RAPH1: variants seen among roughly 807,000 people sequenced by gnomAD.
RAPH1 encodes the protein Ras association (RalGDS/AF-6) and pleckstrin homology domains 1, also known as ras-associated and pleckstrin homology domains-containing protein 1.
RAPH1 carries 18 observed loss-of-function variants against 88.1 expected under a neutral mutation model. That is an observed-to-expected ratio of 0.20 (90% CI 0.14 to 0.30). The LOEUF (loss-of-function observed/expected upper bound fraction) is 0.30. RAPH1 is among the 10% of genes least tolerant of loss of function. The pLI is 1.00. For missense variants in RAPH1, 1,448 were observed against 1,543.2 expected (o/e 0.94, Z 1.03); for synonymous variants, 587 against 559.0 (o/e 1.05, Z -0.71).
intron 13 of RAPH1, chr2:203,443,344 T>C (rs978239229): frequency 2.6e-5 from 4 of 152,330 alleles, no homozygotes; most frequent in Non-Finnish European, 4.4e-5. Flanking sequence ...TCCTCAATGA[T>C]GGAGTGACCT....
At position 203,446,808 on chromosome 2, in the gene RAPH1, A is replaced by G. The variant is rs557201821; in HGVS notation, c.1633+1151T>C. The G allele has an allele frequency of 2.0e-5, 3 of 151,672 alleles. No individual in the cohort carries two copies. The South Asian group carries it at 6.3e-4, about 32-fold the overall frequency. The allele number at this position is 151,672 out of a possible 1,614,324, so 9.4% of individuals were successfully genotyped here. On this transcript the variant is annotated intron_variant, in intron 12 of 13. Transcript: ENST00000319170. ...GCACAAGCTGGAGCACAGTGGTGTGATTATAGCTCACTGCAGCCTTGAACT... is the reference window on the plus strand; with the variant it reads ...GCACAAGCTGGAGCACAGTGGTGTGGTTATAGCTCACTGCAGCCTTGAACT...
At chr2:203,501,540 G>A (rs1448687242) in intron 1 of RAPH1, among the ~76,000 whole-genome samples, 1 of 152,158 alleles carries the variant, frequency 6.6e-6, no homozygotes, top group Non-Finnish European at 1.5e-5. Context: ...GGCCAAGGCG[G>A]GCAGACTGCT....
At chr2:203,510,018 A>G (rs1689265976) in intron 1 of RAPH1, among the ~76,000 whole-genome samples, 1 of 152,098 alleles carries the variant, frequency 6.6e-6, no homozygotes, top group African/African-American at 2.4e-5. Context: ...GAGCCAATTA[A>G]ACCTCTTTTA....
chr2:203,490,681 T>C (rs1242485045), intron 3 of RAPH1, among the ~76,000 whole-genome samples: 5 of 152,280 alleles, frequency 3.3e-5, no homozygotes, highest in Non-Finnish European at 7.4e-5. Flanking sequence ...AACTATCTTT[T>C]AGTTATGTTC....
intron 4 of RAPH1, among the ~76,000 whole-genome samples, chr2:203,483,988 C>T (rs930280964): frequency 4.6e-5 from 7 of 152,136 alleles, no homozygotes; most frequent in African/African-American, 1.7e-4. Flanking sequence ...CCTAGGGTCT[C>T]CAGCTTGCAG....
intron 1 of RAPH1, among the ~76,000 whole-genome samples, chr2:203,509,532 G>A (rs1441800510): frequency 1.3e-5 from 2 of 152,072 alleles, no homozygotes; most frequent in Non-Finnish European, 2.9e-5. Context: ...TTAAAACTGT[G>A]TTACTTTTGT....
chr2:203,522,044 T>C (rs1689900955), intron 1 of RAPH1, among the ~76,000 whole-genome samples: 1 of 152,220 alleles, frequency 6.6e-6, no homozygotes, highest in Admixed American at 6.5e-5. Flanking sequence ...AAGATTCTAC[T>C]TTACATCTGA....
chr2:203,525,224 C>T (rs938773093), intron 1 of RAPH1, among the ~76,000 whole-genome samples: 1 of 152,122 alleles, frequency 6.6e-6, no homozygotes, highest in Non-Finnish European at 1.5e-5. Context: ...CTCGCTCTGT[C>T]GCCCAGGCTG....
At chr2:203,527,800 CAAAAAAAAA>C (rs59384499) in intron 1 of RAPH1, among the ~76,000 whole-genome samples, 2 of 51,240 alleles carry the variant, frequency 3.9e-5, no homozygotes, top group African/African-American at 1.2e-4. Context: ...AACTCCATCT[CAAAAAAAAA>C]AAAAAAAAAA....
At chr2:203,485,625 A>C (rs1221021695) in intron 4 of RAPH1, among the ~76,000 whole-genome samples, 2 of 152,142 alleles carry the variant, frequency 1.3e-5, no homozygotes, top group Admixed American at 6.6e-5. Context: ...AGGAGAAGGA[A>C]AACCCAAGGT....
intron 1 of RAPH1, among the ~76,000 whole-genome samples, chr2:203,507,749 C>G (rs550663540): frequency 1.5e-4 from 23 of 152,272 alleles, no homozygotes; most frequent in African/African-American, 5.1e-4. Flanking sequence ...ATGCTTGAAC[C>G]TGGACTGGAT....
At chr2:203,503,388 T>A (rs928939191) in intron 1 of RAPH1, among the ~76,000 whole-genome samples, 13 of 152,110 alleles carry the variant, frequency 8.5e-5, no homozygotes, top group Non-Finnish European at 1.8e-4. Flanking sequence ...CTCAGAATCA[T>A]GGCAGTGGCA....
chr2:203,506,889 T>TAG (rs1559495114), intron 1 of RAPH1, among the ~76,000 whole-genome samples: 17 of 112,180 alleles, frequency 1.5e-4, no homozygotes, highest in South Asian at 2.5e-4. Flanking sequence ...TAGATATATA[T>TAG]ATATATATAT....
At chr2:203,471,210 A>T (rs919097571) in intron 4 of RAPH1, among the ~76,000 whole-genome samples, 1 of 152,252 alleles carries the variant, frequency 6.6e-6, no homozygotes, top group Non-Finnish European at 1.5e-5. Flanking sequence ...CATTTAAAAA[A>T]ATGTACAATA....
At chr2:203,454,911 A>G (rs1222971680) in intron 9 of RAPH1, among the ~76,000 whole-genome samples, 1 of 152,226 alleles carries the variant, frequency 6.6e-6, no homozygotes, top group African/African-American at 2.4e-5. Flanking sequence ...TATGTAAAGT[A>G]TAGTGATTCG....
chr2:203,452,452 G>A (rs965665993), intron 10 of RAPH1, among the ~76,000 whole-genome samples: 6 of 152,166 alleles, frequency 3.9e-5, no homozygotes, highest in African/African-American at 1.2e-4. Flanking sequence ...AAAATAACTC[G>A]TATCTTTAAG....
rs1553631445 is a variant in RAPH1, at chr2:203,511,269, T to TTA, written c.1-15917_1-15916insTA. ...ACTCAAAGCTAAAGGTACATTTCTT[T>TTA]AAAAAAAAAAAAAAGTGGCCAATTT... On this transcript the variant is annotated intron_variant, in intron 1 of 13. Coordinates refer to ENST00000319170, the MANE Select transcript of RAPH1 (RefSeq NM_213589.3). Among the ~76,000 whole-genome samples the TTA allele has an allele frequency of 5.2e-3, 734 of 142,266 alleles. 13 individuals carry two copies. The highest frequency in any genetic ancestry group is 0.017 in the African/African-American group (669 of 39,188). 93.3% of individuals were successfully genotyped at this position (142,266 alleles called of 152,430 possible). A position where few individuals can be genotyped will look rare whatever the true frequency, so the allele number is the denominator to read the frequency against.
chr2:203,443,494 T>C (rs1291475312), intron 13 of RAPH1: 1 of 152,190 alleles, frequency 6.6e-6, no homozygotes, highest in Non-Finnish European at 1.5e-5. Flanking sequence ...TTGCAATAAC[T>C]ATACTCATCC....
chr2:203,500,029 A>G lies in RAPH1; in HGVS notation c.1-4676T>C, dbSNP rs570439961. ...CATTTCCATGGGTCTAGAGTGCTCA[A>G]TGTTCCAAAGACACAAGAGAAGCTT... On this transcript the variant is annotated intron_variant, in intron 1 of 13. Transcript: ENST00000319170. Among the ~76,000 whole-genome samples the G allele has an allele frequency of 1.8e-4, 27 of 152,210 alleles. 1 individual carries two copies. The highest frequency in any genetic ancestry group is 3.9e-4 in the African/African-American group (16 of 41,444).
Sources: gnomAD v4.1 joint callset for allele counts (sites outside exome capture counted in the v4.1 genomes callset) on GRCh38, gnomAD v4.1.1 for gene constraint, MANE v1.5 for transcripts, NCBI Gene and HGNC (gene_info 2026-07-23, HGNC 2026-07-21) for gene names.